Variants in ZNF335 observed in about 807,000 individuals in gnomAD.
ZNF335 encodes zinc finger protein 335.
Under a neutral mutation model 145.6 loss-of-function variants are expected in ZNF335, and 84 were observed. That is an observed-to-expected ratio of 0.58 (90% confidence interval 0.48 to 0.69). The LOEUF (loss-of-function observed/expected upper bound fraction) is 0.69, where lower values mean the gene tolerates loss of function less well. Ranked by LOEUF, ZNF335 falls within the 30% of genes least tolerant of loss-of-function variation. The pLI, the probability that ZNF335 is intolerant of heterozygous loss-of-function variation, is 0.00. For missense variants in ZNF335, 1,865 were observed against 1,809.7 expected, an observed-to-expected ratio of 1.03 and a Z score of -0.55; for synonymous variants, 761 against 717.0, an observed-to-expected ratio of 1.06 and a Z score of -0.98.
In ZNF335 at chr20:45,952,349, G is replaced by C. The variant is rs769895146; in HGVS notation, c.2987C>G (p.Thr996Ser). Residue 996 changes from threonine (T) to serine (S), a missense_variant, in exon 20 of 28, where the codon ACC (threonine) becomes AGC (serine). Coordinates refer to ENST00000322927, the MANE Select transcript of ZNF335 (RefSeq NM_022095.4). ...SQSSASSPPA[T>S]SKALGLAVPP... ...CACTGCCAGGCCCAGGGCTTTGCTG[G>C]TTGCAGGAGGTGAGGAGGCAGAGCT... The C allele has an allele frequency of 1.9e-6, 3 of 1,612,710 alleles. No homozygotes were observed. In the East Asian group the frequency reaches 6.7e-5, roughly 36 times the overall value.
Position 45,950,211 on chromosome 20 carries a change from C to A in ZNF335, c.3487+8G>T, listed in dbSNP as rs757419478. 2.6e-6 allele frequency: 4 copies of A among 1,551,186 alleles called. No homozygotes were observed. In the Admixed American group the frequency reaches 7.6e-5, roughly 29 times the overall value. On this transcript the variant is annotated splice_region_variant and intron_variant, in intron 22 of 27. Transcript: ENST00000322927. ...GTTGCCCACCCTGTGGCCCCAGGGG[C>A]AGCTCACTGTGCAGGGTGGCCAGTG...
Position 45,949,161 on chromosome 20 carries a change from G to T in ZNF335, c.3901+9C>A. On this transcript the variant is annotated intron_variant, in intron 27 of 27. Coordinates refer to ENST00000322927, the MANE Select transcript of ZNF335 (RefSeq NM_022095.4). ...CCAGCCCCATGCTCCTCAGGATCCAGCTCCATACCTGTGACAGCTGAGTGT... is the reference window on the plus strand; with the variant it reads ...CCAGCCCCATGCTCCTCAGGATCCATCTCCATACCTGTGACAGCTGAGTGT... 6.2e-7 allele frequency: 1 copy of T among 1,613,628 alleles called. No individual in the cohort carries two copies. Among genetic ancestry groups the T allele is most frequent in the Non-Finnish European group, 8.5e-7 (1 of 1,179,958 alleles).
Position 45,969,515 on chromosome 20 carries a change from G to A in ZNF335, c.378C>T (p.Ser126=), listed in dbSNP as rs1161199735. 1.3e-6 allele frequency: 2 copies of A among 1,583,520 alleles called. No individual in the cohort carries two copies. The highest frequency in any genetic ancestry group is 1.3e-5 in the African/African-American group (1 of 74,632). The part of the protein sequence containing the change: ...NMLVSDCTAS[S]SDLGSAIDKI... ...TGTCGATGGCCGAGCCCAGGTCCGA[G>A]GAGGAAGCTGTGCAGTCGGACACCA... The change falls in exon 3 of 28, where the codon TCC becomes TCT. Residue 126 remains serine, a synonymous_variant. Coordinates refer to ENST00000322927, the MANE Select transcript of ZNF335 (RefSeq NM_022095.4).
At chr20:45,969,787 C>T (rs369450397) in intron 2 of ZNF335, 96 bp from the exon 3 acceptor site, 23 of 1,520,834 alleles carry the variant, frequency 1.5e-5, no homozygotes, top group East Asian at 1.4e-4. Context: ...GCTCTCAGGC[C>T]CAAGGACATG....
At chr20:45,969,080 A>T (rs1448313339) in intron 3 of ZNF335, among the ~76,000 whole-genome samples, 2 of 152,180 alleles carry the variant, frequency 1.3e-5, no homozygotes, top group South Asian at 2.1e-4. Context: ...GACAGTGGGT[A>T]AGTTATGTAT....
chr20:45,948,998 C>T lies in ZNF335; in HGVS notation c.3984G>A (p.Gln1328=), dbSNP rs764029673. The T allele has an allele frequency of 1.2e-6, 2 of 1,613,854 alleles. No individual in the cohort carries two copies. Among genetic ancestry groups the T allele is most frequent in the African/African-American group, 2.7e-5 (2 of 74,942 alleles). The change falls in exon 28 of 28, where the codon CAG becomes CAA. Residue 1328 remains glutamine (Q), a synonymous_variant. Coordinates refer to ENST00000322927, the MANE Select transcript of ZNF335 (RefSeq NM_022095.4). Reference sequence around the variant, plus strand: ...TGACGTCGTACTCGATGCCCTGGTGCTGCAGCTGTTGAATGTGTTCGGGCA... The same window carrying T: ...TGACGTCGTACTCGATGCCCTGGTGTTGCAGCTGTTGAATGTGTTCGGGCA... ...ETVPEHIQQL[Q]HQGIEYDVIT...
At chr20:45,964,377 C>T (rs550385950) in intron 7 of ZNF335, 17 of 183,618 alleles carry the variant, frequency 9.3e-5, no homozygotes, top group African/African-American at 4.0e-4. Context: ...GGTGACTTCA[C>T]AGAACAATCT....
chr20:45,953,646 C>T (rs751779590), intron 18 of ZNF335, 43 bp downstream of exon 18: 4 of 1,605,298 alleles, frequency 2.5e-6, no homozygotes, highest in Non-Finnish European at 3.4e-6. Context: ...ACCGACCACA[C>T]CTACAAAAAG....
At chr20:45,957,345 T>C (rs2083747516) in intron 17 of ZNF335, among the ~76,000 whole-genome samples, 1 of 152,176 alleles carries the variant, frequency 6.6e-6, no homozygotes, top group Non-Finnish European at 1.5e-5. Context: ...TGTGTACTGC[T>C]CCACCTGGCA....
At chr20:45,952,793 G>T in intron 18 of ZNF335, 84 bp from the exon 19 acceptor site, 2 of 1,269,060 alleles carry the variant, frequency 1.6e-6, no homozygotes, top group South Asian at 1.3e-5. Context: ...ACTGAGGAGT[G>T]ACTGTCACCA....
intron 7 of ZNF335, among the ~76,000 whole-genome samples, chr20:45,965,403 TGTG>T (rs2083932724): frequency 6.6e-6 from 1 of 152,158 alleles, no homozygotes; most frequent in Non-Finnish European, 1.5e-5. Flanking sequence ...TATGACAAAT[TGTG>T]GTGAAAGGCA....
intron 27 of ZNF335, 25 bp downstream of exon 27, chr20:45,949,145 T>C (rs1465755143): frequency 3.1e-6 from 5 of 1,613,448 alleles, no homozygotes; most frequent in East Asian, 2.2e-5. Flanking sequence ...CCCAGCCCCA[T>C]GCTCCTCAGG....
Position 45,950,499 on chromosome 20 carries a change from T to C in ZNF335, c.3286A>G (p.Thr1096Ala). The C allele has an allele frequency of 6.2e-7, 1 of 1,614,156 alleles. No homozygotes were observed. The highest frequency in any genetic ancestry group is 8.5e-7 in the Non-Finnish European group (1 of 1,180,028). Residue 1096 changes from threonine (T) to alanine (A), a missense_variant, in exon 21 of 28, where the codon ACT (threonine) becomes GCT (alanine). Physicochemically the swap from Thr to Ala is moderately conservative, Grantham distance 58. Transcript: ENST00000322927. ...NKKDLRRHML[T>A]HTKEKPFACH... ...GCAAAAGGCTTCTCCTTTGTGTGAGTCAGCATGTGCCGACGCAGGTCCTTC... is the reference window on the plus strand; with the variant it reads ...GCAAAAGGCTTCTCCTTTGTGTGAGCCAGCATGTGCCGACGCAGGTCCTTC...
intron 18 of ZNF335, among the ~76,000 whole-genome samples, 185 bp downstream of exon 18, chr20:45,953,504 G>C (rs2083671133): frequency 6.6e-6 from 1 of 152,216 alleles, no homozygotes; most frequent in Non-Finnish European, 1.5e-5. Context: ...CAAGTGCTTG[G>C]AATATCTAAG....
chr20:45,963,283 C>G (rs914105092), intron 9 of ZNF335, among the ~76,000 whole-genome samples, 190 bp downstream of exon 9: 1 of 152,216 alleles, frequency 6.6e-6, no homozygotes, highest in African/African-American at 2.4e-5. Flanking sequence ...AGCCCCTCCC[C>G]ACATTCCCGC....
chr20:45,961,872 C>A, intron 10 of ZNF335, 198 bp downstream of exon 10: 1 of 513,200 alleles, frequency 1.9e-6, no homozygotes, highest in Non-Finnish European at 3.5e-6. Flanking sequence ...GAGCTGGGGA[C>A]CTCAAGGCCT....
At position 45,959,233 on chromosome 20, in the gene ZNF335, CA is replaced by C; in HGVS notation, c.2220del (p.Gly741AspfsTer60). The C allele has an allele frequency of 7.1e-7, 1 of 1,400,534 alleles. No individual in the cohort carries two copies. The highest frequency in any genetic ancestry group is 9.4e-7 in the Non-Finnish European group (1 of 1,062,072). The allele number at this position is 1,400,534 out of a possible 1,614,324, so 86.8% of individuals were successfully genotyped here. On this transcript the variant is annotated frameshift_variant, in exon 15 of 28. Coordinates refer to ENST00000322927, the MANE Select transcript of ZNF335 (RefSeq NM_022095.4). LOFTEE classifies it high-confidence loss of function. ...EELKQQHSAA[P>X]GPPPSSPGPP... ...GGTCCTGGGGAACTGGGAGGTGGTC[CA>C]GGGGCCGCACTGTGCTGCTGCTTCA...
Position 45,952,612 on chromosome 20 carries a change from A to G in ZNF335, c.2800T>C (p.Leu934=), listed in dbSNP as rs772258799. 2.9e-5 allele frequency: 46 copies of G among 1,613,842 alleles called. No homozygotes were observed. The highest frequency in any genetic ancestry group is 3.6e-5 in the Non-Finnish European group (43 of 1,180,008). The part of the protein sequence containing the change: ...HYIMATDGTQ[L]HHIELTADGS... ...CCAAGCCTCACCTCAATGTGGTGCAACTGGGTACCATCAGTAGCCATGATG... is the reference window on the plus strand; with the variant it reads ...CCAAGCCTCACCTCAATGTGGTGCAGCTGGGTACCATCAGTAGCCATGATG... Residue 934 remains leucine, a synonymous_variant, in exon 19 of 28, where the codon TTG becomes CTG. Transcript: ENST00000322927.
In ZNF335 at chr20:45,971,211, T is replaced by C. The variant is rs2145424981; in HGVS notation, c.200A>G (p.Gln67Arg). Residue 67 changes from glutamine to arginine, a missense_variant and splice_region_variant, in exon 2 of 28, where the codon CAG becomes CGG. Gln to Arg is a conservative substitution (Grantham distance 43, BLOSUM62 1). Transcript: ENST00000322927. ...CACGCCGTCCAGCCGGGTCCATACCTGAGAACGGCTGCCGCGGTCCGAGCT... is the reference window on the plus strand; with the variant it reads ...CACGCCGTCCAGCCGGGTCCATACCCGAGAACGGCTGCCGCGGTCCGAGCT... ...GQSSDRGSRSQEEVSESSSSA... is the reference protein window; with the variant it reads ...GQSSDRGSRSREEVSESSSSA... 2 of 1,537,870 alleles carry C rather than the reference T, an allele frequency of 1.3e-6. No individual in the cohort carries two copies. Among genetic ancestry groups the C allele is most frequent in the South Asian group, 1.2e-5 (1 of 83,276 alleles).
Sources: gnomAD v4.1 joint callset for allele counts (sites outside exome capture counted in the v4.1 genomes callset) on GRCh38, gnomAD v4.1.1 for gene constraint, MANE v1.5 for transcripts, NCBI Gene and HGNC (gene_info 2026-07-23, HGNC 2026-07-21) for gene names.